SNX18: variants seen among roughly 807,000 people sequenced by gnomAD.
SNX18 encodes sorting nexin 18, also known as sorting nexin-18.
In SNX18, 35 loss-of-function variants were observed where a neutral mutation model predicts 48.7. The observed-to-expected ratio is 0.72, with a 90% CI of 0.55 to 0.95. The LOEUF (loss-of-function observed/expected upper bound fraction) is 0.95. Ranked by LOEUF, SNX18 falls within the 40% of genes least tolerant of loss-of-function variation. The pLI, the probability that SNX18 is intolerant of heterozygous loss-of-function variation, is 0.00. For synonymous variants in SNX18, 492 were observed against 384.7 expected (o/e 1.28, Z -3.26); for missense variants, 824 against 871.0 (o/e 0.95, Z 0.68).
Position 54,521,498 on chromosome 5 carries a change from G to A in SNX18, c.1621+1925G>A, listed in dbSNP as rs570431323. ...AGGATTGCCTTAAGGCCAGGAGTTC[G>A]AGACCAGCCTGGGCAACATAGGGAG... is the stretch of plus-strand genomic sequence containing the variant. On this transcript the variant is annotated intron_variant, in intron 1 of 1. Transcript: ENST00000381410. Among the ~76,000 whole-genome samples, 23 of 152,198 alleles carry A rather than the reference G, an allele frequency of 1.5e-4. No homozygotes were observed. In the South Asian group the frequency reaches 1.9e-3, roughly 12 times the overall value.
chr5:54,578,667 G>A, the SNX18 span, among the ~76,000 whole-genome samples: 1 of 152,350 alleles, frequency 6.6e-6, no homozygotes, highest in African/African-American at 2.4e-5. Flanking sequence ...TGGTGACAGA[G>A]AGACAATAGG....
At chr5:54,539,866 G>C (rs2111592849) in intron 1 of SNX18, among the ~76,000 whole-genome samples, 1 of 151,968 alleles carries the variant, frequency 6.6e-6, no homozygotes, top group East Asian at 1.9e-4. Context: ...TTTTTTGTTT[G>C]TTTTGTTTTG....
chr5:54,558,296 G>A, the SNX18 span, among the ~76,000 whole-genome samples: 1 of 152,074 alleles, frequency 6.6e-6, no homozygotes, highest in Admixed American at 6.6e-5. Context: ...TAAAATTCCT[G>A]GAAACATTTA....
the SNX18 span, among the ~76,000 whole-genome samples, chr5:54,581,012 G>T: frequency 6.6e-6 from 1 of 152,136 alleles, no homozygotes; most frequent in African/African-American, 2.4e-5. Flanking sequence ...CAAAAAGGAT[G>T]CTGAGGAAGC....
the SNX18 span, among the ~76,000 whole-genome samples, chr5:54,602,964 C>T: frequency 7.6e-4 from 116 of 152,228 alleles, 4 homozygotes; most frequent in East Asian, 0.017. Flanking sequence ...GTATCGAGCC[C>T]TCTCCTGCCC....
At chr5:54,610,989 C>T in the SNX18 span, among the ~76,000 whole-genome samples, 1 of 152,140 alleles carries the variant, frequency 6.6e-6, no homozygotes, top group Admixed American at 6.5e-5. Context: ...TCTATGGTCA[C>T]CCTCTACCCT....
At chr5:54,627,423 T>A in the SNX18 span, among the ~76,000 whole-genome samples, 113 of 152,326 alleles carry the variant, frequency 7.4e-4, 1 homozygote, top group African/African-American at 2.7e-3. Flanking sequence ...TGGAAACATG[T>A]TATTTCATTT....
chr5:54,518,645 C>G lies in SNX18; in HGVS notation c.693C>G (p.Arg231=). 3 of 1,558,278 alleles carry G rather than the reference C, an allele frequency of 1.9e-6. No homozygotes were observed. The highest frequency in any genetic ancestry group is 2.6e-6 in the Non-Finnish European group (3 of 1,153,678). ...SSATVSRNLN[R]FSTFVKSGGE... is the part of the protein sequence containing the mutation. The stretch of plus-strand genomic sequence containing the variant: ...CCACCGTGAGCCGCAACCTCAATCG[C>G]TTCTCCACCTTCGTCAAGTCCGGCG... Residue 231 remains arginine (R), a synonymous_variant, in exon 1 of 2, where the codon CGC becomes CGG. Transcript: ENST00000381410.
the SNX18 span, among the ~76,000 whole-genome samples, chr5:54,573,252 A>C: frequency 6.6e-6 from 1 of 152,136 alleles, no homozygotes; most frequent in African/African-American, 2.4e-5. Flanking sequence ...GTTCCTCCTT[A>C]CTTTCAGGAA....
rs1214488532 is a variant in SNX18 at position 54,544,034 on chromosome 5, T to TGGGGGGGGGGGG, written c.*610_*611insGGGGGGGGGGGG. The TGGGGGGGGGGGG allele has an allele frequency of 6.8e-5, 2 of 29,234 alleles. No individual in the cohort carries two copies. The highest frequency in any genetic ancestry group is 1.2e-4 in the Non-Finnish European group (2 of 16,498). The allele number at this position is 29,234 out of a possible 1,614,324, so 1.8% of individuals were successfully genotyped here. On this transcript the variant is annotated 3_prime_UTR_variant, in exon 2 of 2. Transcript: ENST00000381410. ...ATAACCTTATATTGGCAGTAGGGGG[T>TGGGGGGGGGGGG]GGGGGGGGCGGTGGGGTGGGACGAT...
At chr5:54,531,338 AAG>A (rs1762250689) in intron 1 of SNX18, among the ~76,000 whole-genome samples, 2 of 152,276 alleles carry the variant, frequency 1.3e-5, no homozygotes, top group Admixed American at 1.3e-4. Flanking sequence ...CCAGTGATAG[AAG>A]AGGTAGGCAG....
At chr5:54,527,476 T>C (rs2565003) in intron 1 of SNX18, among the ~76,000 whole-genome samples, 44,836 of 151,842 alleles carry the variant, frequency 0.3, 6,778 homozygotes, top group East Asian at 0.43. Context: ...AGGGTGACTG[T>C]AATTTTGGCC....
rs1762567707 is a variant in SNX18 at position 54,545,762 on chromosome 5, A to C, written c.*2330A>C. The C allele has an allele frequency of 6.6e-6, 1 of 152,192 alleles. No homozygotes were observed. The highest frequency in any genetic ancestry group is 2.4e-5 in the African/African-American group (1 of 41,440). The allele number at this position is 152,192 out of a possible 1,614,324, so 9.4% of individuals were successfully genotyped here. ...TCCTATTGAAACATTGCAGTATGCAAAACTACTGCAATGTTAAACCCAAGA... is the reference window on the plus strand; with the variant it reads ...TCCTATTGAAACATTGCAGTATGCACAACTACTGCAATGTTAAACCCAAGA... On this transcript the variant is annotated 3_prime_UTR_variant, in exon 2 of 2. Transcript: ENST00000381410.
chr5:54,622,651 A>C, the SNX18 span, among the ~76,000 whole-genome samples: 3 of 148,936 alleles, frequency 2.0e-5, no homozygotes, highest in African/African-American at 7.3e-5. Context: ...ATATAAATAT[A>C]ATATAAAGAA....
chr5:54,576,492 G>T, the SNX18 span, among the ~76,000 whole-genome samples: 1 of 152,188 alleles, frequency 6.6e-6, no homozygotes, highest in African/African-American at 2.4e-5. Flanking sequence ...ACATAGTTGG[G>T]TTGATCGCAG....
chr5:54,619,848 G>T, the SNX18 span, among the ~76,000 whole-genome samples: 1 of 152,168 alleles, frequency 6.6e-6, no homozygotes, highest in African/African-American at 2.4e-5. Context: ...TTACATTCTT[G>T]TGAGGTTCTG....
At chr5:54,620,827 C>T in the SNX18 span, among the ~76,000 whole-genome samples, 1 of 152,188 alleles carries the variant, frequency 6.6e-6, no homozygotes, top group African/African-American at 2.4e-5. Flanking sequence ...CAGGTGGCCA[C>T]CTCACTGTGT....
the SNX18 span, among the ~76,000 whole-genome samples, chr5:54,637,986 GGAGAGAGA>G: frequency 6.7e-6 from 1 of 149,422 alleles, no homozygotes; most frequent in East Asian, 2.0e-4. Context: ...CTGCTGGACT[GGAGAGAGA>G]GAGAGAGAGA....
chr5:54,565,069 A>G, the SNX18 span, among the ~76,000 whole-genome samples: 1 of 152,042 alleles, frequency 6.6e-6, no homozygotes, highest in Non-Finnish European at 1.5e-5. Context: ...ACTGATTCCT[A>G]TGCCATTTTT....
Sources: gnomAD v4.1 joint callset for allele counts (sites outside exome capture counted in the v4.1 genomes callset) on GRCh38, gnomAD v4.1.1 for gene constraint, MANE v1.5 for transcripts, NCBI Gene and HGNC (gene_info 2026-07-23, HGNC 2026-07-21) for gene names.